Variants in OR2C1 observed in about 807,000 individuals in gnomAD.
The protein encoded by OR2C1 is olfactory receptor 2C1.
For synonymous variants in OR2C1, 209 were observed against 167.3 expected (o/e 1.25, Z -1.92); for missense variants, 468 against 388.3 (o/e 1.21, Z -1.73).
chr16:3,333,210 C>CTTTTTTTTTTTTTTTTTTTTTTT, the OR2C1 span, among the ~76,000 whole-genome samples: 5 of 33,030 alleles, frequency 1.5e-4, 1 homozygote, highest in Non-Finnish European at 1.3e-4. Flanking sequence ...ATCTTTTGCC[C>CTTTTTTTTTTTTTTTTTTTTTTT]ATTTTTTTTT....
the OR2C1 span, among the ~76,000 whole-genome samples, chr16:3,329,690 C>T: frequency 2.6e-5 from 4 of 151,010 alleles, no homozygotes; most frequent in Non-Finnish European, 5.9e-5. Context: ...ACCTCATGAT[C>T]CACCCACCTC....
chr16:3,329,443 A>G, the OR2C1 span, among the ~76,000 whole-genome samples: 7 of 152,086 alleles, frequency 4.6e-5, no homozygotes, highest in African/African-American at 1.7e-4. Flanking sequence ...GAAACATTAC[A>G]GTAAATTATT....
upstream of OR2C1, among the ~76,000 whole-genome samples, chr16:3,353,972 T>A (rs11641645): frequency 0.76 from 111,008 of 146,898 alleles, 42,425 homozygotes; most frequent in East Asian, 0.91. Context: ...TGTTTGTTTT[T>A]CTTTTCTTTT....
chr16:3,346,742 G>C, the OR2C1 span, among the ~76,000 whole-genome samples: 1 of 146,834 alleles, frequency 6.8e-6, no homozygotes, highest in Non-Finnish European at 1.5e-5. Flanking sequence ...CAATTTTCCT[G>C]CCTCAGCCTC....
chr16:3,343,445 T>G, the OR2C1 span, among the ~76,000 whole-genome samples: 1 of 152,098 alleles, frequency 6.6e-6, no homozygotes. Flanking sequence ...CTCAATACAT[T>G]TTTCATTTAA....
At chr16:3,346,985 C>A in the OR2C1 span, among the ~76,000 whole-genome samples, 1 of 150,088 alleles carries the variant, frequency 6.7e-6, no homozygotes, top group Non-Finnish European at 1.5e-5. Flanking sequence ...TGGCTCACAC[C>A]TGTAATCCCA....
the OR2C1 span, among the ~76,000 whole-genome samples, chr16:3,344,681 CG>C: frequency 6.6e-6 from 1 of 151,384 alleles, no homozygotes; most frequent in African/African-American, 2.4e-5. Context: ...GAGCCGAGAT[CG>C]GCGCCACTGC....
At chr16:3,344,605 T>A in the OR2C1 span, among the ~76,000 whole-genome samples, 474 of 152,218 alleles carry the variant, frequency 3.1e-3, 1 homozygote, top group Middle Eastern at 0.01. Context: ...CGGGCGCCTG[T>A]AGTCCCAGCT....
At chr16:3,349,060 A>G in the OR2C1 span, among the ~76,000 whole-genome samples, 1 of 151,884 alleles carries the variant, frequency 6.6e-6, no homozygotes, top group African/African-American at 2.4e-5. Context: ...TGTAACCACT[A>G]TATGTTCAAT....
chr16:3,349,889 G>T, the OR2C1 span, among the ~76,000 whole-genome samples: 2 of 151,308 alleles, frequency 1.3e-5, no homozygotes, highest in Non-Finnish European at 2.9e-5. Flanking sequence ...GCAACAAAGC[G>T]AGATTCCGTC....
At chr16:3,327,426 A>C in the OR2C1 span, among the ~76,000 whole-genome samples, 2 of 152,060 alleles carry the variant, frequency 1.3e-5, no homozygotes, top group Non-Finnish European at 2.9e-5. Context: ...CATAGGAGCA[A>C]AGCTCATTGA....
At chr16:3,355,473 G>T (rs1358776914), upstream of OR2C1, among the ~76,000 whole-genome samples, 4 of 25,726 alleles carry the variant, frequency 1.6e-4, no homozygotes, top group Admixed American at 4.3e-4. Context: ...AAAAAAAAAA[G>T]CTTGCAATCT....
chr16:3,334,300 G>A, the OR2C1 span, among the ~76,000 whole-genome samples: 1 of 141,438 alleles, frequency 7.1e-6, no homozygotes. Context: ...ACCATGCCCA[G>A]CTAATTTTTG....
At chr16:3,344,832 T>C in the OR2C1 span, among the ~76,000 whole-genome samples, 1 of 152,268 alleles carries the variant, frequency 6.6e-6, no homozygotes, top group East Asian at 1.9e-4. Context: ...ACAACCCCTT[T>C]GGGACAGTCT....
At chr16:3,347,105 G>C in the OR2C1 span, among the ~76,000 whole-genome samples, 1 of 150,964 alleles carries the variant, frequency 6.6e-6, no homozygotes, top group Non-Finnish European at 1.5e-5. Flanking sequence ...AAATTAGCTG[G>C]GCACAGTGGT....
chr16:3,324,615 G>A, the OR2C1 span, among the ~76,000 whole-genome samples: 2 of 152,258 alleles, frequency 1.3e-5, no homozygotes, highest in East Asian at 1.9e-4. Flanking sequence ...CTCTACGTAT[G>A]TTTGTTTTAT....
chr16:3,344,891 G>A, the OR2C1 span, among the ~76,000 whole-genome samples: 3 of 151,898 alleles, frequency 2.0e-5, no homozygotes, highest in Non-Finnish European at 2.9e-5. Flanking sequence ...TCAATTATCC[G>A]TTATGGACTC....
chr16:3,331,830 T>A, the OR2C1 span, among the ~76,000 whole-genome samples: 1 of 149,708 alleles, frequency 6.7e-6, no homozygotes, highest in Admixed American at 6.7e-5. Context: ...CCAACCCAAA[T>A]GTCCAACAAT....
At chr16:3,324,426 G>A in the OR2C1 span, among the ~76,000 whole-genome samples, 1 of 152,244 alleles carries the variant, frequency 6.6e-6, no homozygotes, top group African/African-American at 2.4e-5. Context: ...CTGAGCTCAG[G>A]CAATTCACCT....
Sources: gnomAD v4.1 joint callset for allele counts (sites outside exome capture counted in the v4.1 genomes callset) on GRCh38, gnomAD v4.1.1 for gene constraint, MANE v1.5 for transcripts, NCBI Gene and HGNC (gene_info 2026-07-23, HGNC 2026-07-21) for gene names.